Variants in MRPS11 observed in about 807,000 individuals in gnomAD.
The protein encoded by MRPS11 is mitochondrial ribosomal protein S11.
In MRPS11, 27 loss-of-function variants were observed where a neutral mutation model predicts 24.3. The ratio of observed to expected loss-of-function variants is 1.11; its 90% confidence interval spans 0.82 to 1.53. MRPS11 has a LOEUF of 1.53. MRPS11 is among the 40% of genes most tolerant of loss of function. The pLI, the probability that MRPS11 is intolerant of heterozygous loss-of-function variation, is 0.00. For missense variants in MRPS11, 277 were observed against 256.5 expected, an observed-to-expected ratio of 1.08 and a Z score of -0.55; for synonymous variants, 104 against 98.7, an observed-to-expected ratio of 1.05 and a Z score of -0.32.
At chr15:88,472,582 A>T in intron 2 of MRPS11, 45 bp from the exon 3 acceptor site, 1 of 1,522,234 alleles carries the variant, frequency 6.6e-7, no homozygotes, top group Non-Finnish European at 9.1e-7. Context: ...TTTGATTTTT[A>T]AAAAGTCGAG....
Position 88,477,482 on chromosome 15 carries a change from G to A in MRPS11, c.478-390G>A, listed in dbSNP as rs180908612. On this transcript the variant is annotated intron_variant, in intron 5 of 5. Coordinates refer to ENST00000325844, the MANE Select transcript of MRPS11 (RefSeq NM_022839.5). The surrounding 1 kb of genome is among the most constrained non-coding windows in gnomAD (Gnocchi z 5.7). ...GAGGTGACATCTCTCTGACTTTGCA[G>A]GAATAATGAGGTATCAGGGAGGTGG... Among the ~76,000 whole-genome samples, 11 of 152,336 alleles carry A rather than the reference G, an allele frequency of 7.2e-5. No homozygotes were observed. The East Asian group carries it at 2.1e-3, about 29-fold the overall frequency.
intron 4 of MRPS11, among the ~76,000 whole-genome samples, chr15:88,476,275 G>A (rs1348217381): frequency 2.0e-5 from 3 of 152,246 alleles, no homozygotes; most frequent in South Asian, 2.1e-4. Context: ...TTCACTGATC[G>A]GAACCCAGAT....
Position 88,469,700 on chromosome 15 carries a change from A to C in MRPS11, c.182+1676A>C, listed in dbSNP as rs2055645762. Reference sequence around the variant, plus strand: ...TTAAACCATTGGAGAGCAAGAATGGAAGCTGGGAAAAGTCCTCTAAGCAGT... The same window carrying C: ...TTAAACCATTGGAGAGCAAGAATGGCAGCTGGGAAAAGTCCTCTAAGCAGT... On this transcript the variant is annotated intron_variant, in intron 2 of 5. Transcript: ENST00000325844. The surrounding 1 kb of genome is among the most constrained non-coding windows in gnomAD (Gnocchi z 4.4). Among the ~76,000 whole-genome samples, 1 of 152,196 alleles carries C rather than the reference A, an allele frequency of 6.6e-6. No homozygotes were observed. Among genetic ancestry groups the C allele is most frequent in the Non-Finnish European group, 1.5e-5 (1 of 68,040 alleles).
chr15:88,475,562 A>G lies in MRPS11; in HGVS notation c.411+323A>G, dbSNP rs1013703132. ...GTGGCACCTGCCTGTAGTTCCAGCT[A>G]CTTGGGAGGCTGAGGCTGGATGGCT... On this transcript the variant is annotated intron_variant, in intron 4 of 5. Coordinates refer to ENST00000325844, the MANE Select transcript of MRPS11 (RefSeq NM_022839.5). The surrounding 1 kb of genome is among the most constrained non-coding windows in gnomAD (Gnocchi z 4.1). Among the ~76,000 whole-genome samples the G allele has an allele frequency of 2.0e-5, 3 of 152,184 alleles. No homozygotes were observed. The highest frequency in any genetic ancestry group is 4.4e-5 in the Non-Finnish European group (3 of 68,022).
chr15:88,474,686 T>C (rs2055784430), intron 3 of MRPS11, among the ~76,000 whole-genome samples: 2 of 152,134 alleles, frequency 1.3e-5, no homozygotes, highest in Admixed American at 6.5e-5. Flanking sequence ...AAATAATCCA[T>C]TGGTGAGGGG....
intron 2 of MRPS11, 81 bp downstream of exon 2, chr15:88,468,105 A>T: frequency 1.3e-6 from 2 of 1,514,842 alleles, no homozygotes; most frequent in Non-Finnish European, 1.8e-6. Flanking sequence ...AGAACCAGTG[A>T]ATTTTCAGCT....
chr15:88,477,995 C>T lies in MRPS11; in HGVS notation c.*16C>T, dbSNP rs1184055422. On this transcript the variant is annotated 3_prime_UTR_variant, in exon 6 of 6. Transcript: ENST00000325844. This position sits in a 1 kb window ranked among gnomAD's most constrained non-coding sequence, Gnocchi z 5.7. ...GAAGCTGTGATGGGAAGGAGGCCTG[C>T]ACTTGGACCTGACCTCAAGCCTCAG... is the stretch of plus-strand genomic sequence containing the variant. 6.2e-7 allele frequency: 1 copy of T among 1,603,604 alleles called. No individual in the cohort carries two copies. Among genetic ancestry groups the T allele is most frequent in the Non-Finnish European group, 8.5e-7 (1 of 1,170,436 alleles).
At chr15:88,476,565 A>G (rs546421065) in intron 4 of MRPS11, among the ~76,000 whole-genome samples, 21 of 152,318 alleles carry the variant, frequency 1.4e-4, no homozygotes, top group Non-Finnish European at 2.5e-4. Context: ...CCATTTTTAT[A>G]ATGAACTGCC....
At position 88,477,024 on chromosome 15, in the gene MRPS11, TGTG is replaced by T. The variant is rs757248454; in HGVS notation, c.451_453del (p.Val151del). On this transcript the variant is annotated inframe_deletion, in exon 5 of 6. Coordinates refer to ENST00000325844, the MANE Select transcript of MRPS11 (RefSeq NM_022839.5). This position sits in a 1 kb window ranked among gnomAD's most constrained non-coding sequence, Gnocchi z 5.7. ...AAAAGGGCGTGATCCACATCCGAGT[TGTG>T]GTGAAAGGCCTGGGGCCAGGACGCT... is the stretch of plus-strand genomic sequence containing the variant. 1 of 1,614,112 alleles carries T rather than the reference TGTG, an allele frequency of 6.2e-7. No homozygotes were observed. Among genetic ancestry groups the T allele is most frequent in the Non-Finnish European group, 8.5e-7 (1 of 1,180,020 alleles).
At chr15:88,473,075 A>G (rs1260133028) in intron 3 of MRPS11, among the ~76,000 whole-genome samples, 2 of 152,230 alleles carry the variant, frequency 1.3e-5, no homozygotes, top group Non-Finnish European at 2.9e-5. Flanking sequence ...GGAATGGATG[A>G]TATATAAATT....
At chr15:88,468,861 C>G (rs918239745) in intron 2 of MRPS11, 3 of 152,018 alleles carry the variant, frequency 2.0e-5, no homozygotes, top group African/African-American at 4.8e-5. Flanking sequence ...AGCACAAAAA[C>G]TAGCCAGGCG....
chr15:88,467,982 A>T lies in MRPS11; in HGVS notation c.140A>T (p.Gln47Leu). ...ARQLQDAAAK[Q>L]KVEQNAAPSH... is the part of the protein sequence containing the mutation. ...CAGCTCCAAGACGCTGCGGCCAAGC[A>T]GAAAGTTGAACAGAACGCGGCTCCC... is the stretch of plus-strand genomic sequence containing the variant. Residue 47 changes from glutamine (Q) to leucine (L), a missense_variant, in exon 2 of 6, where the codon CAG (glutamine) becomes CTG (leucine). Physicochemically the swap from Gln to Leu is moderately radical, Grantham distance 113. Coordinates refer to ENST00000325844, the MANE Select transcript of MRPS11 (RefSeq NM_022839.5). 2 of 1,611,132 alleles carry T rather than the reference A, an allele frequency of 1.2e-6. No homozygotes were observed. The highest frequency in any genetic ancestry group is 1.7e-6 in the Non-Finnish European group (2 of 1,178,964).
chr15:88,480,247 C>T lies in MRPS11; in HGVS notation c.*2268C>T, dbSNP rs1005878422. ...TATTTTGGTTTTGGTTTTTGAGTCT[C>T]GTTGTCACCCAGGCTGGATTGCAGT... On this transcript the variant is annotated 3_prime_UTR_variant, in exon 6 of 6. Coordinates refer to ENST00000325844, the MANE Select transcript of MRPS11 (RefSeq NM_022839.5). The surrounding 1 kb of genome is among the most constrained non-coding windows in gnomAD (Gnocchi z 5.1). 6.6e-6 allele frequency: 1 copy of T among 152,236 alleles called. No homozygotes were observed. The highest frequency in any genetic ancestry group is 6.5e-5 in the Admixed American group (1 of 15,286). The allele number at this position is 152,236 out of a possible 1,614,324, so 9.4% of individuals were successfully genotyped here.
At chr15:88,471,421 A>G (rs1324558532) in intron 2 of MRPS11, among the ~76,000 whole-genome samples, 4 of 152,238 alleles carry the variant, frequency 2.6e-5, no homozygotes, top group African/African-American at 7.2e-5. Context: ...TTGTATTTCA[A>G]GTGGCTGTGG....
intron 3 of MRPS11, among the ~76,000 whole-genome samples, chr15:88,474,414 C>T (rs1169336929): frequency 6.6e-6 from 1 of 152,078 alleles, no homozygotes; most frequent in East Asian, 1.9e-4. Flanking sequence ...ACAAAATTAG[C>T]CAGGCATGGT....
In MRPS11 at chr15:88,475,576, G is replaced by A. The variant is rs1196754346; in HGVS notation, c.411+337G>A. On this transcript the variant is annotated intron_variant, in intron 4 of 5. Coordinates refer to ENST00000325844, the MANE Select transcript of MRPS11 (RefSeq NM_022839.5). The surrounding 1 kb of genome is among the most constrained non-coding windows in gnomAD (Gnocchi z 4.1). ...TAGTTCCAGCTACTTGGGAGGCTGAGGCTGGATGGCTTGAGCCCAAGAGTT... is the reference window on the plus strand; with the variant it reads ...TAGTTCCAGCTACTTGGGAGGCTGAAGCTGGATGGCTTGAGCCCAAGAGTT... Among the ~76,000 whole-genome samples, 1 of 152,188 alleles carries A rather than the reference G, an allele frequency of 6.6e-6. No homozygotes were observed. The highest frequency in any genetic ancestry group is 1.5e-5 in the Non-Finnish European group (1 of 68,022).
intron 4 of MRPS11, 57 bp from the exon 5 acceptor site, chr15:88,476,932 G>A: frequency 2.5e-6 from 4 of 1,572,486 alleles, no homozygotes; most frequent in Middle Eastern, 1.8e-4. Context: ...GCAGTAGCAA[G>A]AGATTTGGAT....
rs2055852893 is a variant in MRPS11 at position 88,477,797 on chromosome 15, C to G, written c.478-75C>G. 2.9e-6 allele frequency: 4 copies of G among 1,379,910 alleles called. No homozygotes were observed. Among genetic ancestry groups the G allele is most frequent in the South Asian group, 2.4e-5 (2 of 83,792 alleles). The allele number at this position is 1,379,910 out of a possible 1,614,324, so 85.5% of individuals were successfully genotyped here. Reference sequence around the variant, plus strand: ...CTTCTCTACGCCACCCTGTCCCTCTCCGAACCCTGCCTGGAGACACTGGAT... The same window carrying G: ...CTTCTCTACGCCACCCTGTCCCTCTGCGAACCCTGCCTGGAGACACTGGAT... On this transcript the variant is annotated intron_variant, in intron 5 of 5. Coordinates refer to ENST00000325844, the MANE Select transcript of MRPS11 (RefSeq NM_022839.5). This position sits in a 1 kb window ranked among gnomAD's most constrained non-coding sequence, Gnocchi z 5.7.
At chr15:88,470,121 C>T (rs1182557791) in intron 2 of MRPS11, among the ~76,000 whole-genome samples, 1 of 152,132 alleles carries the variant, frequency 6.6e-6, no homozygotes, top group South Asian at 2.1e-4. Flanking sequence ...TTTAGACCAA[C>T]CTGACCAACA....
Sources: gnomAD v4.1 joint callset for allele counts (sites outside exome capture counted in the v4.1 genomes callset) on GRCh38, gnomAD v4.1.1 for gene constraint, Gnocchi (gnomAD v3.1) non-coding constraint, MANE v1.5 for transcripts, NCBI Gene and HGNC (gene_info 2026-07-23, HGNC 2026-07-21) for gene names.